Variants in MED12L observed in about 807,000 individuals in gnomAD.
The protein encoded by MED12L is mediator complex subunit 12L, also known as mediator of RNA polymerase II transcription subunit 12-like protein.
In MED12L, 60 loss-of-function variants were observed where a neutral mutation model predicts 281.3. The observed-to-expected ratio is 0.21, with a 90% CI of 0.17 to 0.26. The LOEUF is 0.26. MED12L is among the 10% of genes least tolerant of loss of function. The probability of loss-of-function intolerance (pLI) is 1.00; values close to 1 mark genes in which losing one functional copy is unlikely to be tolerated. For missense variants in MED12L, 2,146 were observed against 2,680.9 expected (o/e 0.80, Z 4.41); for synonymous variants, 974 against 987.2 (o/e 0.99, Z 0.25).
intron 16 of MED12L, among the ~76,000 whole-genome samples, chr3:151,275,840 G>A (rs978067250): frequency 7.2e-5 from 11 of 152,134 alleles, no homozygotes; most frequent in Non-Finnish European, 1.2e-4. Flanking sequence ...TATTTTTACT[G>A]AAGTTGATTT....
intron 31 of MED12L, among the ~76,000 whole-genome samples, chr3:151,379,239 A>G (rs961735899): frequency 7.2e-5 from 11 of 152,188 alleles, no homozygotes; most frequent in Non-Finnish European, 2.9e-5. Flanking sequence ...TGCATTGCCT[A>G]ACTTCCCATA....
intron 16 of MED12L, among the ~76,000 whole-genome samples, chr3:151,238,075 C>T (rs1293434308): frequency 1.3e-5 from 2 of 152,154 alleles, no homozygotes; most frequent in African/African-American, 4.8e-5. Context: ...TCTTTTCTAA[C>T]TAGTGCTTTT....
intron 4 of MED12L, among the ~76,000 whole-genome samples, chr3:151,123,223 A>G (rs1445800400): frequency 6.6e-6 from 1 of 152,200 alleles, no homozygotes; most frequent in Non-Finnish European, 1.5e-5. Flanking sequence ...TAGGTAGACA[A>G]GATTTTAAAA....
intron 11 of MED12L, 40 bp downstream of exon 11, chr3:151,166,022 C>A: frequency 6.5e-7 from 1 of 1,549,772 alleles, no homozygotes. Flanking sequence ...CTTTTATTTT[C>A]ATAGTGTTTT....
chr3:151,357,214 TACTAAATGA>T lies in MED12L; in HGVS notation c.2667_2675del (p.Asn890_Leu892del). The stretch of plus-strand genomic sequence containing the variant: ...ATTCAGTCTTTTCTCCTGTTACAGT[TACTAAATGA>T]ACTGAGTGTTGTGGAAGCTGAACTG... On this transcript the variant is annotated inframe_deletion and splice_region_variant, in exon 20 of 45. Transcript: ENST00000687756. 1 of 1,593,000 alleles carries T rather than the reference TACTAAATGA, an allele frequency of 6.3e-7. No homozygotes were observed. The highest frequency in any genetic ancestry group is 8.5e-7 in the Non-Finnish European group (1 of 1,170,976).
chr3:151,149,020 A>C (rs1393016279), intron 5 of MED12L, among the ~76,000 whole-genome samples: 2 of 152,216 alleles, frequency 1.3e-5, no homozygotes, highest in Non-Finnish European at 2.9e-5. Context: ...TGGTGAGTTT[A>C]AACTACAAAA....
intron 2 of MED12L, among the ~76,000 whole-genome samples, chr3:151,111,293 G>A (rs1336314743): frequency 6.6e-6 from 1 of 152,218 alleles, no homozygotes; most frequent in Non-Finnish European, 1.5e-5. Flanking sequence ...TTGATGGTTG[G>A]GAGCATAGAC....
Position 151,294,827 on chromosome 3 carries a change from T to G in MED12L, c.2251-55232T>G, listed in dbSNP as rs1424877524. On this transcript the variant is annotated intron_variant, in intron 16 of 44. Transcript: ENST00000687756. ...CCCAAATGGCTTGACCACCTTCAGA[T>G]AGCGATCAATGCTTATCAGCCCAAG... 4 of 1,614,156 alleles carry G rather than the reference T, an allele frequency of 2.5e-6. No homozygotes were observed. Among genetic ancestry groups the G allele is most frequent in the Non-Finnish European group, 3.4e-6 (4 of 1,180,010 alleles).
intron 21 of MED12L, among the ~76,000 whole-genome samples, chr3:151,362,223 A>C (rs1364518507): frequency 6.6e-6 from 1 of 152,016 alleles, no homozygotes; most frequent in East Asian, 1.9e-4. Context: ...ACACATTTTC[A>C]ACATCCACTA....
intron 16 of MED12L, among the ~76,000 whole-genome samples, chr3:151,235,023 G>A (rs78028746): frequency 2.0e-5 from 3 of 152,144 alleles, no homozygotes; most frequent in African/African-American, 7.2e-5. Context: ...GTGTTTTTTT[G>A]TATGCGGTGG....
chr3:151,332,820 G>A (rs1195860309), intron 16 of MED12L, among the ~76,000 whole-genome samples: 1 of 152,072 alleles, frequency 6.6e-6, no homozygotes, highest in African/African-American at 2.4e-5. Flanking sequence ...TAGGGGTTTG[G>A]TGTACAGATT....
At chr3:151,428,116 T>A (rs921836389) in intron 43 of MED12L, among the ~76,000 whole-genome samples, 3 of 152,232 alleles carry the variant, frequency 2.0e-5, no homozygotes, top group African/African-American at 7.2e-5. Flanking sequence ...CTGGTCTGCA[T>A]ATTAGGAGTG....
chr3:151,134,648 G>A (rs567483162), intron 5 of MED12L, among the ~76,000 whole-genome samples: 2 of 152,320 alleles, frequency 1.3e-5, no homozygotes, highest in South Asian at 2.1e-4. Flanking sequence ...GGGAACTTGG[G>A]ACATCCAGGA....
At chr3:151,410,836 A>G (rs1716853192) in intron 40 of MED12L, among the ~76,000 whole-genome samples, 1 of 152,178 alleles carries the variant, frequency 6.6e-6, no homozygotes, top group African/African-American at 2.4e-5. Context: ...GGAAAAGTGT[A>G]TTTCATTATT....
chr3:151,291,875 G>A (rs1005487997), intron 16 of MED12L, among the ~76,000 whole-genome samples: 2 of 152,090 alleles, frequency 1.3e-5, no homozygotes, highest in South Asian at 4.1e-4. Context: ...AAAAAAATAG[G>A]GATGATGTTC....
chr3:151,411,206 C>T (rs1410313719), intron 40 of MED12L, 72 bp from the exon 41 acceptor site: 7 of 1,345,926 alleles, frequency 5.2e-6, no homozygotes, highest in Middle Eastern at 3.6e-4. Flanking sequence ...GTTTTTGCCC[C>T]ATATATCGTA....
intron 16 of MED12L, among the ~76,000 whole-genome samples, chr3:151,345,620 CA>C (rs1395693399): frequency 6.6e-6 from 1 of 150,728 alleles, no homozygotes; most frequent in Non-Finnish European, 1.5e-5. Flanking sequence ...CAGGTTCAAG[CA>C]ATTTTCCTGC....
At chr3:151,383,379 C>T (rs7429509) in intron 33 of MED12L, among the ~76,000 whole-genome samples, 38,313 of 152,114 alleles carry the variant, frequency 0.25, 5,078 homozygotes, top group South Asian at 0.38. Context: ...ATTATGATAG[C>T]AGGCTTAGAT....
chr3:151,283,254 C>A (rs1036951362), intron 16 of MED12L, among the ~76,000 whole-genome samples: 1 of 152,280 alleles, frequency 6.6e-6, no homozygotes, highest in East Asian at 1.9e-4. Flanking sequence ...TGTCTAATCC[C>A]AATTAGTTGA....
Sources: gnomAD v4.1 joint callset for allele counts (sites outside exome capture counted in the v4.1 genomes callset) on GRCh38, gnomAD v4.1.1 for gene constraint, MANE v1.5 for transcripts, NCBI Gene and HGNC (gene_info 2026-07-23, HGNC 2026-07-21) for gene names.